The following COL25A1 variants were observed in gnomAD, a reference collection of about 807,000 sequenced individuals.
COL25A1 encodes the protein collagen type XXV alpha 1 chain.
Under a neutral mutation model 128.4 loss-of-function variants are expected in COL25A1, and 103 were observed. The ratio of observed to expected loss-of-function variants is 0.80; its 90% confidence interval spans 0.68 to 0.94. The LOEUF is 0.94. Ranked by LOEUF, COL25A1 falls within the 40% of genes least tolerant of loss-of-function variation. The probability of loss-of-function intolerance (pLI) is 0.00; values close to 1 mark genes in which losing one functional copy is unlikely to be tolerated. For missense variants in COL25A1, 745 were observed against 840.0 expected (o/e 0.89, Z 1.40); for synonymous variants, 279 against 277.2 (o/e 1.01, Z -0.06).
In COL25A1 at chr4:108,825,162, T is replaced by C. The variant is rs1279492868; in HGVS notation, c.1791+34A>G. On this transcript the variant is annotated intron_variant, in intron 34 of 37. Coordinates refer to ENST00000399132, the MANE Select transcript of COL25A1 (RefSeq NM_198721.4). ...TGATGGAGACCATCAACATCTATTA[T>C]AATAGGATGATGTTTATTGTACTTA... 10 of 1,557,582 alleles carry C rather than the reference T, an allele frequency of 6.4e-6. No individual in the cohort carries two copies. The East Asian group carries it at 2.0e-4, about 31-fold the overall frequency.
At chr4:108,892,386 G>T (rs993001078) in intron 16 of COL25A1, among the ~76,000 whole-genome samples, 1 of 152,174 alleles carries the variant, frequency 6.6e-6, no homozygotes, top group Non-Finnish European at 1.5e-5. Context: ...ATAATTATAT[G>T]TGTGTGTTAA....
chr4:109,148,506 G>A lies in COL25A1; in HGVS notation c.368-98327C>T, dbSNP rs374130119. The stretch of plus-strand genomic sequence containing the variant: ...AGAAACTGGAAACGCTCCCGTGGAT[G>A]CCTGCTCATCCGTCACCACGTTTAG... On this transcript the variant is annotated intron_variant, in intron 3 of 37. Coordinates refer to ENST00000399132, the MANE Select transcript of COL25A1 (RefSeq NM_198721.4). Among the ~76,000 whole-genome samples the A allele has an allele frequency of 3.3e-5, 5 of 152,142 alleles. No homozygotes were observed. In the East Asian group the frequency reaches 9.6e-4, roughly 29 times the overall value.
chr4:109,152,096 A>T (rs572486211), intron 3 of COL25A1, among the ~76,000 whole-genome samples: 554 of 30,404 alleles, frequency 0.018, 3 homozygotes, highest in African/African-American at 0.032. Context: ...ACTTTTTAAT[A>T]AAAAAAAAAA....
Position 108,896,654 on chromosome 4 carries a change from TA to T in COL25A1, c.906+12del. On this transcript the variant is annotated intron_variant, in intron 16 of 37. Coordinates refer to ENST00000399132, the MANE Select transcript of COL25A1 (RefSeq NM_198721.4). Reference sequence around the variant, plus strand: ...CTCACATATGTACCCTTTCATGTCTTACAAAACTGTACCTTTTCGCCTGTGT... The same window carrying T: ...CTCACATATGTACCCTTTCATGTCTTCAAAACTGTACCTTTTCGCCTGTGT... The T allele has an allele frequency of 6.2e-7, 1 of 1,613,198 alleles. No homozygotes were observed. Among genetic ancestry groups the T allele is most frequent in the South Asian group, 1.1e-5 (1 of 91,048 alleles).
chr4:109,264,914 A>G (rs1474177943), intron 3 of COL25A1, among the ~76,000 whole-genome samples: 1 of 152,234 alleles, frequency 6.6e-6, no homozygotes, highest in Non-Finnish European at 1.5e-5. Context: ...CCTTTCTTGA[A>G]GGAAGGAAAT....
At chr4:109,218,737 C>T (rs1778226181) in intron 3 of COL25A1, among the ~76,000 whole-genome samples, 1 of 152,098 alleles carries the variant, frequency 6.6e-6, no homozygotes, top group Non-Finnish European at 1.5e-5. Context: ...GAACACATCA[C>T]ATGTCCCTGA....
intron 3 of COL25A1, among the ~76,000 whole-genome samples, chr4:109,236,361 A>C (rs1214948608): frequency 6.6e-6 from 1 of 152,080 alleles, no homozygotes; most frequent in Non-Finnish European, 1.5e-5. Flanking sequence ...AGCTATTTTG[A>C]ATTTTCTGGT....
intron 8 of COL25A1, among the ~76,000 whole-genome samples, chr4:108,946,677 A>G (rs1748792814): frequency 6.6e-6 from 1 of 152,158 alleles, no homozygotes; most frequent in Non-Finnish European, 1.5e-5. Context: ...ATACAGAGTG[A>G]TAAGTATTAT....
Position 109,050,196 on chromosome 4 carries a change from A to G in COL25A1, c.368-17T>C, listed in dbSNP as rs1361494156. 6.2e-7 allele frequency: 1 copy of G among 1,600,320 alleles called. No homozygotes were observed. Among genetic ancestry groups the G allele is most frequent in the Non-Finnish European group, 8.5e-7 (1 of 1,171,248 alleles). Reference sequence around the variant, plus strand: ...CTGGAGGGCCTGAAATACAAAGGATAATTTTTTTAGTGTAGTTTAATTCTT... The same window carrying G: ...CTGGAGGGCCTGAAATACAAAGGATGATTTTTTTAGTGTAGTTTAATTCTT... On this transcript the variant is annotated splice_polypyrimidine_tract_variant and intron_variant, in intron 3 of 37. Transcript: ENST00000399132.
At chr4:109,060,138 C>G (rs1761829370) in intron 3 of COL25A1, among the ~76,000 whole-genome samples, 1 of 152,160 alleles carries the variant, frequency 6.6e-6, no homozygotes, top group Non-Finnish European at 1.5e-5. Context: ...TAGATAATAT[C>G]CATCTCAGAC....
intron 3 of COL25A1, among the ~76,000 whole-genome samples, chr4:109,146,432 T>C (rs546694351): frequency 1.4e-4 from 22 of 152,356 alleles, no homozygotes; most frequent in African/African-American, 5.3e-4. Flanking sequence ...AATATGTTTC[T>C]TGAATATCTT....
chr4:109,027,523 G>A (rs187502637), intron 5 of COL25A1, among the ~76,000 whole-genome samples: 146 of 152,216 alleles, frequency 9.6e-4, no homozygotes, highest in South Asian at 5.6e-3. Context: ...GTTCTGCACA[G>A]AGAAAGGACA....
intron 3 of COL25A1, among the ~76,000 whole-genome samples, chr4:109,164,784 C>T (rs1772912015): frequency 6.6e-6 from 1 of 151,992 alleles, no homozygotes; most frequent in South Asian, 2.1e-4. Flanking sequence ...TAAGCATTTC[C>T]ACAACAATTT....
chr4:109,029,519 G>T (rs1429324171), intron 5 of COL25A1, among the ~76,000 whole-genome samples: 3 of 152,096 alleles, frequency 2.0e-5, no homozygotes, highest in Non-Finnish European at 4.4e-5. Flanking sequence ...GTAGTATATA[G>T]TTATAATTGT....
intron 3 of COL25A1, among the ~76,000 whole-genome samples, chr4:109,137,841 G>T (rs1769944818): frequency 6.6e-6 from 1 of 152,108 alleles, no homozygotes; most frequent in Non-Finnish European, 1.5e-5. Flanking sequence ...ATTAACCAAT[G>T]AGTAAAGTAT....
intron 16 of COL25A1, among the ~76,000 whole-genome samples, chr4:108,891,985 ATT>A (rs11284888): frequency 6.7e-6 from 1 of 150,282 alleles, no homozygotes; most frequent in South Asian, 2.1e-4. Context: ...ACTAAGGGTG[ATT>A]TTTTTTTTCT....
intron 13 of COL25A1, among the ~76,000 whole-genome samples, chr4:108,916,956 T>C (rs1160668462): frequency 6.6e-6 from 1 of 152,206 alleles, no homozygotes; most frequent in Non-Finnish European, 1.5e-5. Flanking sequence ...CTTAAAAACA[T>C]AGATTAACTG....
intron 3 of COL25A1, among the ~76,000 whole-genome samples, chr4:109,200,192 T>A (rs1776436409): frequency 6.6e-6 from 1 of 152,192 alleles, no homozygotes. Context: ...CTCCAGCAGC[T>A]CCTTTCACAC....
At chr4:108,925,698 C>A (rs768651387) in intron 11 of COL25A1, among the ~76,000 whole-genome samples, 2 of 152,134 alleles carry the variant, frequency 1.3e-5, no homozygotes, top group African/African-American at 2.4e-5. Flanking sequence ...ACAATAGTGT[C>A]TCAACACAGA....
Sources: allele counts gnomAD v4.1 joint callset (sites outside exome capture counted in the v4.1 genomes callset), GRCh38; gene constraint gnomAD v4.1.1; transcripts MANE v1.5; gene names NCBI Gene and HGNC (gene_info 2026-07-23, HGNC 2026-07-21).